KHDRBS2: variants seen among roughly 807,000 people sequenced by gnomAD.
KHDRBS2 encodes KH domain-containing, RNA-binding, signal transduction-associated protein 2.
A neutral mutation model predicts 44.3 loss-of-function variants in KHDRBS2; 26 were observed. The observed-to-expected ratio is 0.59, with a 90% confidence interval of 0.43 to 0.81. The LOEUF is 0.81. Among genes scored for constraint, KHDRBS2 ranks in the 40% least tolerant of loss-of-function variants. KHDRBS2 has a pLI of 0.00. For missense variants in KHDRBS2, 476 were observed against 433.1 expected (o/e 1.10, Z -0.88); for synonymous variants, 194 against 151.1 (o/e 1.28, Z -2.08).
At chr6:61,563,593 C>G in the KHDRBS2 span, among the ~76,000 whole-genome samples, 1 of 151,982 alleles carries the variant, frequency 6.6e-6, no homozygotes. Context: ...ACAGGCATTA[C>G]AAATAAGAGT....
chr6:61,552,293 T>G, the KHDRBS2 span, among the ~76,000 whole-genome samples: 1 of 152,042 alleles, frequency 6.6e-6, no homozygotes, highest in Non-Finnish European at 1.5e-5. Flanking sequence ...GGGATTGCAT[T>G]TTTGATTTGG....
intron 2 of KHDRBS2, among the ~76,000 whole-genome samples, chr6:62,056,768 C>T (rs1290586058): frequency 1.3e-5 from 2 of 151,922 alleles, no homozygotes; most frequent in African/African-American, 4.8e-5. Context: ...AGTGATGTCT[C>T]CACCAGGAAT....
chr6:62,242,101 A>G (rs1469001511), intron 1 of KHDRBS2, among the ~76,000 whole-genome samples: 1 of 152,182 alleles, frequency 6.6e-6, no homozygotes, highest in Admixed American at 6.6e-5. Context: ...GGTATTTAGC[A>G]TCATATTATT....
the KHDRBS2 span, among the ~76,000 whole-genome samples, chr6:61,638,994 G>T: frequency 1.3e-5 from 2 of 152,044 alleles, no homozygotes; most frequent in African/African-American, 4.8e-5. Context: ...CAATTTGTTT[G>T]CATTCCTCTA....
At chr6:62,219,232 T>C (rs1205095366) in intron 1 of KHDRBS2, among the ~76,000 whole-genome samples, 1 of 147,062 alleles carries the variant, frequency 6.8e-6, no homozygotes, top group Non-Finnish European at 1.5e-5. Flanking sequence ...CTTGGAGATT[T>C]TGTAGAAGGA....
At chr6:62,013,541 T>G (rs1417215164) in intron 3 of KHDRBS2, among the ~76,000 whole-genome samples, 1 of 152,078 alleles carries the variant, frequency 6.6e-6, no homozygotes, top group Admixed American at 6.6e-5. Context: ...AAAATGTGTT[T>G]AGTACAATGT....
chr6:61,847,379 C>T (rs1379723833), intron 6 of KHDRBS2, among the ~76,000 whole-genome samples: 2 of 152,110 alleles, frequency 1.3e-5, no homozygotes, highest in East Asian at 1.9e-4. Flanking sequence ...CTTTCTCAGG[C>T]ACTTGGGAGC....
At chr6:62,222,115 A>T (rs1830995741) in intron 1 of KHDRBS2, among the ~76,000 whole-genome samples, 3 of 152,226 alleles carry the variant, frequency 2.0e-5, no homozygotes, top group Admixed American at 2.0e-4. Flanking sequence ...ATAATAAAAA[A>T]GTTAACACTT....
intron 2 of KHDRBS2, among the ~76,000 whole-genome samples, chr6:62,112,043 G>C (rs1267985872): frequency 6.6e-6 from 1 of 152,066 alleles, no homozygotes; most frequent in East Asian, 1.9e-4. Flanking sequence ...TCATTTACTG[G>C]AAATTATTTT....
At chr6:61,564,919 G>C in the KHDRBS2 span, among the ~76,000 whole-genome samples, 1 of 151,762 alleles carries the variant, frequency 6.6e-6, no homozygotes. Context: ...AACCAAAATA[G>C]TATGGTGCTG....
intron 3 of KHDRBS2, among the ~76,000 whole-genome samples, chr6:61,985,391 C>T (rs979230515): frequency 6.6e-6 from 1 of 151,944 alleles, no homozygotes; most frequent in African/African-American, 2.4e-5. Context: ...CTTATATAGC[C>T]CAGGGTCCAG....
At chr6:61,921,411 AT>A (rs1405886909) in intron 4 of KHDRBS2, among the ~76,000 whole-genome samples, 4 of 151,846 alleles carry the variant, frequency 2.6e-5, no homozygotes, top group African/African-American at 9.7e-5. Context: ...CTTTATTGAT[AT>A]TTTTTCAATA....
At chr6:62,041,453 T>C (rs1224988308) in intron 3 of KHDRBS2, among the ~76,000 whole-genome samples, 1 of 152,114 alleles carries the variant, frequency 6.6e-6, no homozygotes, top group East Asian at 1.9e-4. Context: ...TTGTAAAATG[T>C]CTAAAAATTT....
intron 4 of KHDRBS2, among the ~76,000 whole-genome samples, chr6:61,945,936 G>A (rs573489316): frequency 7.9e-5 from 12 of 152,268 alleles, no homozygotes; most frequent in Non-Finnish European, 1.3e-4. Context: ...GAACTAGTAA[G>A]TCTTGCATTA....
At chr6:61,747,073 G>A (rs1776977324) in intron 6 of KHDRBS2, among the ~76,000 whole-genome samples, 1 of 151,172 alleles carries the variant, frequency 6.6e-6, no homozygotes. Context: ...GTGGACGAAG[G>A]ATAAGAACAG....
At chr6:61,804,260 T>A (rs561680860) in intron 6 of KHDRBS2, among the ~76,000 whole-genome samples, 3 of 152,272 alleles carry the variant, frequency 2.0e-5, no homozygotes, top group African/African-American at 7.2e-5. Flanking sequence ...AGCTCCAAAA[T>A]AATCTCTTTT....
chr6:62,228,841 G>A lies in KHDRBS2; in HGVS notation c.92-51529C>T, dbSNP rs184475951. 8.1e-4 allele frequency among the ~76,000 whole-genome samples: 123 copies of A among 152,196 alleles called. 1 individual carries two copies. The highest frequency in any genetic ancestry group is 3.0e-3 in the African/African-American group (123 of 41,516). ...GCTCCTGTGCCTGGAGATGTCACTC[G>A]AGGAAGCTGGAGAACAGCAAAGAGG... is the stretch of plus-strand genomic sequence containing the variant. On this transcript the variant is annotated intron_variant, in intron 1 of 8. Coordinates refer to ENST00000281156, the MANE Select transcript of KHDRBS2 (RefSeq NM_152688.4).
the KHDRBS2 span, among the ~76,000 whole-genome samples, chr6:61,597,759 CATATATATATAT>C: frequency 0.037 from 1,813 of 48,982 alleles, 75 homozygotes; most frequent in South Asian, 0.12. Context: ...TATATATATA[CATATATATATAT>C]ATACACCAAG....
At chr6:62,080,110 T>C (rs1191864121) in intron 2 of KHDRBS2, among the ~76,000 whole-genome samples, 2 of 152,122 alleles carry the variant, frequency 1.3e-5, no homozygotes, top group Non-Finnish European at 2.9e-5. Context: ...TATGACTCTA[T>C]AAATAGATTC....
Sources: gnomAD v4.1 joint callset for allele counts (sites outside exome capture counted in the v4.1 genomes callset) on GRCh38, gnomAD v4.1.1 for gene constraint, MANE v1.5 for transcripts, NCBI Gene and HGNC (gene_info 2026-07-23, HGNC 2026-07-21) for gene names.